BBS9: variants seen among roughly 807,000 people sequenced by gnomAD.
BBS9 encodes protein PTHB1.
In BBS9, 89 loss-of-function variants were observed where a neutral mutation model predicts 117.7. The ratio of observed to expected loss-of-function variants is 0.76; its 90% CI spans 0.64 to 0.90. The LOEUF (loss-of-function observed/expected upper bound fraction) is 0.90, where lower values mean the gene tolerates loss of function less well. Among genes scored for constraint, BBS9 ranks in the 40% least tolerant of loss-of-function variants. The pLI is 0.00. For synonymous variants in BBS9, 379 were observed against 370.9 expected (o/e 1.02, Z -0.25); for missense variants, 982 against 1,042.2 (o/e 0.94, Z 0.80).
chr7:33,374,656 C>T (rs761129816), intron 17 of BBS9, among the ~76,000 whole-genome samples: 3 of 152,202 alleles, frequency 2.0e-5, no homozygotes, highest in African/African-American at 7.2e-5. Flanking sequence ...AATCCCAGGA[C>T]TTTGGGAGGT....
At chr7:33,433,975 G>C (rs1041432953) in intron 19 of BBS9, among the ~76,000 whole-genome samples, 2 of 151,782 alleles carry the variant, frequency 1.3e-5, no homozygotes, top group Non-Finnish European at 2.9e-5. Context: ...CTGATTTTTA[G>C]CATTATATGA....
At chr7:33,143,652 G>T (rs1323214049) in intron 1 of BBS9, among the ~76,000 whole-genome samples, 1 of 151,774 alleles carries the variant, frequency 6.6e-6, no homozygotes, top group Non-Finnish European at 1.5e-5. Flanking sequence ...TGCAACCTCC[G>T]CCTCCTGGGT....
At chr7:33,378,839 A>G (rs564322755) in intron 17 of BBS9, among the ~76,000 whole-genome samples, 44 of 152,162 alleles carry the variant, frequency 2.9e-4, no homozygotes, top group Non-Finnish European at 5.6e-4. Context: ...AGTAGGTCCT[A>G]ATTGGGTTTG....
chr7:33,268,228 A>G (rs1036681189), intron 7 of BBS9, among the ~76,000 whole-genome samples: 3 of 152,184 alleles, frequency 2.0e-5, no homozygotes, highest in Non-Finnish European at 4.4e-5. Context: ...TGGTTTCCTT[A>G]CAATAATTTG....
intron 4 of BBS9, among the ~76,000 whole-genome samples, chr7:33,166,323 C>G (rs1287816428): frequency 2.0e-5 from 3 of 152,224 alleles, no homozygotes; most frequent in Non-Finnish European, 1.5e-5. Flanking sequence ...CAGGGACCCA[C>G]TTGAGGAGGC....
At chr7:33,509,706 GTT>G (rs1461277343) in intron 20 of BBS9, among the ~76,000 whole-genome samples, 1 of 152,144 alleles carries the variant, frequency 6.6e-6, no homozygotes, top group Non-Finnish European at 1.5e-5. Flanking sequence ...ATGATTTGTT[GTT>G]ATTTTGATGG....
intron 19 of BBS9, among the ~76,000 whole-genome samples, chr7:33,456,612 CT>C (rs1374143245): frequency 6.6e-6 from 1 of 151,676 alleles, no homozygotes; most frequent in African/African-American, 2.4e-5. Flanking sequence ...ATTTTTTCCC[CT>C]CTCCCCTAAG....
At chr7:33,582,829 TTAAATG>T (rs1860211553) in intron 21 of BBS9, among the ~76,000 whole-genome samples, 1 of 152,154 alleles carries the variant, frequency 6.6e-6, no homozygotes, top group South Asian at 2.1e-4. Context: ...TACTTTCTTG[TTAAATG>T]TGTCCCCTTA....
intron 19 of BBS9, among the ~76,000 whole-genome samples, chr7:33,459,658 T>C (rs13438256): frequency 0.33 from 49,900 of 152,026 alleles, 8,371 homozygotes; most frequent in East Asian, 0.53. Flanking sequence ...TGGCACTACA[T>C]GCTGCTCCAG....
At chr7:33,498,021 A>G (rs1024319641) in intron 19 of BBS9, among the ~76,000 whole-genome samples, 3 of 152,210 alleles carry the variant, frequency 2.0e-5, no homozygotes, top group Non-Finnish European at 4.4e-5. Flanking sequence ...CCAATTAGAA[A>G]TGAACAGCAG....
chr7:33,442,952 G>C (rs1429734514), intron 19 of BBS9, among the ~76,000 whole-genome samples: 1 of 152,216 alleles, frequency 6.6e-6, no homozygotes. Context: ...GAAACATAAA[G>C]CATATTTGGC....
chr7:33,473,388 A>G (rs944461554), intron 19 of BBS9, among the ~76,000 whole-genome samples: 1 of 148,012 alleles, frequency 6.8e-6, no homozygotes, highest in Non-Finnish European at 1.5e-5. Context: ...TAGTGGCACA[A>G]TCTTGGCTCA....
intron 17 of BBS9, among the ~76,000 whole-genome samples, chr7:33,377,381 G>A (rs1296524561): frequency 6.6e-6 from 1 of 152,118 alleles, no homozygotes; most frequent in Non-Finnish European, 1.5e-5. Flanking sequence ...TGGTCGATTT[G>A]TCTGGTTTTG....
chr7:33,372,164 A>G (rs1191958368), intron 17 of BBS9, among the ~76,000 whole-genome samples: 4 of 152,164 alleles, frequency 2.6e-5, no homozygotes, highest in East Asian at 3.9e-4. Flanking sequence ...ATTGAGAACA[A>G]GAGTTCAGAG....
chr7:33,459,283 T>C (rs1839094166), intron 19 of BBS9, among the ~76,000 whole-genome samples: 1 of 152,052 alleles, frequency 6.6e-6, no homozygotes, highest in Non-Finnish European at 1.5e-5. Context: ...GCTGTGGTTC[T>C]CAATTGGGAG....
chr7:33,587,572 T>G (rs1020645615), intron 21 of BBS9, among the ~76,000 whole-genome samples: 43 of 152,038 alleles, frequency 2.8e-4, no homozygotes, highest in African/African-American at 1.0e-3. Context: ...CAGAAACCAT[T>G]GGGAAGGGCT....
At chr7:33,616,013 G>A (rs1201727919) in intron 21 of BBS9, among the ~76,000 whole-genome samples, 2 of 152,054 alleles carry the variant, frequency 1.3e-5, no homozygotes, top group African/African-American at 2.4e-5. Context: ...GAGGGAATTT[G>A]TTGTCAGCAG....
In BBS9 at chr7:33,340,934, C is replaced by A; in HGVS notation, c.1236C>A (p.Asn412Lys). 2 of 1,613,480 alleles carry A rather than the reference C, an allele frequency of 1.2e-6. No homozygotes were observed. The highest frequency in any genetic ancestry group is 1.7e-6 in the Non-Finnish European group (2 of 1,179,652). Residue 412 changes from asparagine to lysine, a missense_variant, in exon 11 of 23, where the codon AAC (asparagine) becomes AAA (lysine). Physicochemically the swap from Asn to Lys is moderately conservative, Grantham distance 94. Coordinates refer to ENST00000242067, the MANE Select transcript of BBS9 (RefSeq NM_198428.3). ...WPMTEREDDLNVSVVVSPNFD... is the reference protein window; with the variant it reads ...WPMTEREDDLKVSVVVSPNFD... ...TGACTGAGAGAGAAGATGACTTGAA[C>A]GTTTCTGTCGTGGTTTCTCCTAACT...
intron 21 of BBS9, among the ~76,000 whole-genome samples, chr7:33,625,101 G>A (rs891346342): frequency 6.6e-6 from 1 of 152,170 alleles, no homozygotes; most frequent in East Asian, 1.9e-4. Context: ...ACTATTCTAT[G>A]AGGGAAAGGT....
Sources: gnomAD v4.1 joint callset for allele counts (sites outside exome capture counted in the v4.1 genomes callset) on GRCh38, gnomAD v4.1.1 for gene constraint, MANE v1.5 for transcripts, NCBI Gene and HGNC (gene_info 2026-07-23, HGNC 2026-07-21) for gene names.